The following PDC variants were observed in gnomAD, a reference collection of about 807,000 sequenced individuals.
The protein encoded by PDC is phosducin, also known as 33 kDa phototransducing protein.
A neutral mutation model predicts 22.2 loss-of-function variants in PDC; 19 were observed. The ratio of observed to expected loss-of-function variants is 0.86; its 90% CI spans 0.60 to 1.26. The LOEUF (loss-of-function observed/expected upper bound fraction) is 1.26. Ranked by LOEUF, PDC falls within the 50% of genes most tolerant of loss-of-function variation. The pLI is 0.00. For missense variants in PDC, 274 were observed against 286.8 expected, an observed-to-expected ratio of 0.96 and a Z score of 0.32; for synonymous variants, 97 against 96.2, an observed-to-expected ratio of 1.01 and a Z score of -0.05.
chr1:186,447,698 T>C (rs1162041651), intron 2 of PDC, among the ~76,000 whole-genome samples: 1 of 152,012 alleles, frequency 6.6e-6, no homozygotes, highest in African/African-American at 2.4e-5. Flanking sequence ...TAATAATTTT[T>C]GTTTTATATA....
intron 2 of PDC, among the ~76,000 whole-genome samples, chr1:186,448,310 A>G (rs1026227292): frequency 2.6e-5 from 4 of 152,120 alleles, no homozygotes; most frequent in African/African-American, 7.2e-5. Flanking sequence ...TGCTTTCACT[A>G]TAGTTTTCTG....
intron 1 of PDC, among the ~76,000 whole-genome samples, chr1:186,453,634 C>CCA (rs1422188110): frequency 3.9e-5 from 6 of 152,152 alleles, no homozygotes; most frequent in African/African-American, 1.4e-4. Context: ...ATGTTTTGCT[C>CCA]CACTATTGTA....
At chr1:186,447,687 C>G (rs566329785) in intron 2 of PDC, among the ~76,000 whole-genome samples, 3 of 151,598 alleles carry the variant, frequency 2.0e-5, no homozygotes, top group African/African-American at 7.3e-5. Flanking sequence ...TCTATATTGC[C>G]TAATAATTTT....
chr1:186,450,006 A>G (rs888652803), intron 1 of PDC, among the ~76,000 whole-genome samples: 2 of 152,212 alleles, frequency 1.3e-5, no homozygotes, highest in Admixed American at 1.3e-4. Context: ...TGTTAATGAC[A>G]TGTTGTAACC....
chr1:186,445,545 A>G (rs931635153), intron 3 of PDC, among the ~76,000 whole-genome samples: 1 of 152,020 alleles, frequency 6.6e-6, no homozygotes, highest in African/African-American at 2.4e-5. Context: ...CGGGATGGGT[A>G]TGGGAGCTCA....
chr1:186,450,092 C>T (rs1662319106), intron 1 of PDC, among the ~76,000 whole-genome samples: 1 of 152,092 alleles, frequency 6.6e-6, no homozygotes, highest in African/African-American at 2.4e-5. Flanking sequence ...AGATTTGAAC[C>T]TACATTTTCT....
chr1:186,455,797 TAAAA>T lies in PDC; in HGVS notation c.-25+5258_-25+5261del, dbSNP rs71104862. On this transcript the variant is annotated intron_variant, in intron 1 of 3. Coordinates refer to ENST00000391997, the MANE Select transcript of PDC (RefSeq NM_002597.5). ...TAACACGGTGAAACCCCGTCTCTAC[TAAAA>T]AAAAAAAAAAAAAAAAAAAAATTAG... 2.6e-3 allele frequency among the ~76,000 whole-genome samples: 103 copies of T among 39,366 alleles called. 1 individual carries two copies. Among genetic ancestry groups the T allele is most frequent in the African/African-American group, 9.8e-3 (88 of 8,996 alleles). The allele number at this position is 39,366 out of a possible 152,430, so 25.8% of individuals were successfully genotyped here.
At chr1:186,447,273 C>T (rs1240457638) in intron 2 of PDC, among the ~76,000 whole-genome samples, 1 of 151,976 alleles carries the variant, frequency 6.6e-6, no homozygotes, top group East Asian at 1.9e-4. Flanking sequence ...CTCAGTCTCC[C>T]GAGTAGCTGG....
intron 1 of PDC, among the ~76,000 whole-genome samples, chr1:186,457,573 T>G (rs1046582128): frequency 6.6e-6 from 1 of 152,212 alleles, no homozygotes; most frequent in Admixed American, 6.5e-5. Context: ...ATATATCTTT[T>G]CTGAATTTCA....
intron 1 of PDC, among the ~76,000 whole-genome samples, chr1:186,456,606 T>C (rs1662477609): frequency 6.6e-6 from 1 of 152,162 alleles, no homozygotes; most frequent in Non-Finnish European, 1.5e-5. Context: ...AGTGTAAAAT[T>C]TTCAGAGTAA....
intron 1 of PDC, among the ~76,000 whole-genome samples, chr1:186,455,631 C>T (rs867033216): frequency 6.6e-6 from 1 of 151,452 alleles, no homozygotes; most frequent in African/African-American, 2.4e-5. Flanking sequence ...TGCCTGTGGA[C>T]CCCCAATCCT....
chr1:186,459,921 GAAAA>G (rs5779292), intron 1 of PDC, among the ~76,000 whole-genome samples: 1 of 140,506 alleles, frequency 7.1e-6, no homozygotes, highest in Non-Finnish European at 1.6e-5. Context: ...AAACAAAATA[GAAAA>G]AAAAAAACCA....
chr1:186,444,772 ATTATATC>A (rs1229187898), intron 3 of PDC, among the ~76,000 whole-genome samples: 6 of 152,266 alleles, frequency 3.9e-5, no homozygotes, highest in Middle Eastern at 3.4e-3. Context: ...AACAAACACT[ATTATATC>A]TTATAACTTA....
chr1:186,449,463 AG>A lies in PDC; in HGVS notation c.-5del, dbSNP rs1214157988. The A allele has an allele frequency of 6.3e-7, 1 of 1,589,352 alleles. No individual in the cohort carries two copies. Among genetic ancestry groups the A allele is most frequent in the South Asian group, 1.1e-5 (1 of 89,530 alleles). On this transcript the variant is annotated 5_prime_UTR_variant, in exon 2 of 4. Coordinates refer to ENST00000391997, the MANE Select transcript of PDC (RefSeq NM_002597.5). Reference sequence around the variant, plus strand: ...TTTGGCTTTTGGCTTCTTCCATTTTAGGGACTGGATTTGATATAATCTATAG... The same window carrying A: ...TTTGGCTTTTGGCTTCTTCCATTTTAGGACTGGATTTGATATAATCTATAG...
At chr1:186,448,670 A>G (rs2102130549) in intron 2 of PDC, 3 of 963,426 alleles carry the variant, frequency 3.1e-6, no homozygotes, top group East Asian at 1.1e-4. Context: ...TGTTTTTGTC[A>G]TAATTAGGAA....
chr1:186,453,329 C>T (rs987375201), intron 1 of PDC, among the ~76,000 whole-genome samples: 2 of 152,048 alleles, frequency 1.3e-5, no homozygotes, highest in East Asian at 1.9e-4. Flanking sequence ...AAAATTTTTA[C>T]GCATTAGTTT....
At chr1:186,444,589 T>C in intron 3 of PDC, 83 bp from the exon 4 acceptor site, 2 of 887,862 alleles carry the variant, frequency 2.3e-6, no homozygotes, top group Non-Finnish European at 3.4e-6. Context: ...ACCGAAGGAG[T>C]GTACTTTTGC....
intron 1 of PDC, among the ~76,000 whole-genome samples, chr1:186,455,768 T>C (rs1382991769): frequency 3.3e-5 from 4 of 122,974 alleles, no homozygotes; most frequent in Non-Finnish European, 1.6e-5. Context: ...GAGACCGTCC[T>C]GGCTAACACG....
At chr1:186,453,865 A>T (rs956624448) in intron 1 of PDC, among the ~76,000 whole-genome samples, 3 of 152,184 alleles carry the variant, frequency 2.0e-5, no homozygotes, top group African/African-American at 7.2e-5. Context: ...AGAGCTCACA[A>T]AGGTAGTATA....
Sources: gnomAD v4.1 joint callset for allele counts (sites outside exome capture counted in the v4.1 genomes callset) on GRCh38, gnomAD v4.1.1 for gene constraint, MANE v1.5 for transcripts, NCBI Gene and HGNC (gene_info 2026-07-23, HGNC 2026-07-21) for gene names.